The following SAMD8 variants were observed in gnomAD, a reference collection of about 807,000 sequenced individuals.
SAMD8 encodes sterile alpha motif domain containing 8.
SAMD8 carries 20 observed loss-of-function variants against 42.0 expected under a neutral mutation model. The ratio of observed to expected loss-of-function variants is 0.48; its 90% CI spans 0.34 to 0.69. The LOEUF (loss-of-function observed/expected upper bound fraction) is 0.69. Among genes scored for constraint, SAMD8 ranks in the 30% least tolerant of loss-of-function variants. SAMD8 has a pLI of 0.01. For synonymous variants in SAMD8, 162 were observed against 173.0 expected, an observed-to-expected ratio of 0.94 and a Z score of 0.50; for missense variants, 328 against 511.6, an observed-to-expected ratio of 0.64 and a Z score of 3.46.
chr10:75,175,730 G>A (rs1224115539), intron 4 of SAMD8, among the ~76,000 whole-genome samples: 1 of 151,998 alleles, frequency 6.6e-6, no homozygotes, highest in African/African-American at 2.4e-5. Flanking sequence ...TGTATTTTTA[G>A]TAGAGTTGGG....
chr10:75,125,982 A>G (rs903447922), intron 1 of SAMD8: 2 of 152,178 alleles, frequency 1.3e-5, no homozygotes, highest in African/African-American at 4.8e-5. Context: ...CCCAGTTTAT[A>G]TTTTCAACTT....
intron 1 of SAMD8, among the ~76,000 whole-genome samples, chr10:75,120,017 G>A (rs1848968725): frequency 6.6e-6 from 1 of 152,150 alleles, no homozygotes; most frequent in Admixed American, 6.5e-5. Flanking sequence ...GCAGTGAGCC[G>A]AGATTGTACC....
At position 75,179,034 on chromosome 10, in the gene SAMD8, G is replaced by GAAAAA. The variant is rs1366342101; in HGVS notation, c.*2345_*2346insAAAAA. 1.3e-5 allele frequency: 2 copies of GAAAAA among 149,410 alleles called. No homozygotes were observed. The highest frequency in any genetic ancestry group is 1.5e-5 in the Non-Finnish European group (1 of 67,606). 9.3% of individuals were successfully genotyped at this position (149,410 alleles called of 1,614,324 possible). A position where few individuals can be genotyped will look rare whatever the true frequency, so the allele number is the denominator to read the frequency against. ...ACAGAGTGAGACTCCATCTCAAAAC[G>GAAAAA]AAACAAAACAAAACAAAACAAATTA... On this transcript the variant is annotated 3_prime_UTR_variant, in exon 6 of 6. Coordinates refer to ENST00000542569, the MANE Select transcript of SAMD8 (RefSeq NM_001174156.2).
In SAMD8 at chr10:75,176,572, G is replaced by A. The variant is rs1044500019; in HGVS notation, c.1128G>A (p.Arg376=). The part of the protein sequence containing the change: ...LANTRAYQQS[R]RARIWFPMFS... ...ATACCAGAGCATATCAGCAGAGTAG[G>A]AGAGCAAGGATTTGGTTTCCCATGT... Residue 376 remains arginine, a synonymous_variant, in exon 6 of 6, where the codon AGG becomes AGA. Transcript: ENST00000542569. This position sits in a 1 kb window ranked among gnomAD's most constrained non-coding sequence, Gnocchi z 4.3. 33 of 1,550,514 alleles carry A rather than the reference G, an allele frequency of 2.1e-5. No individual in the cohort carries two copies. In the Admixed American group the frequency reaches 6.3e-4, roughly 29 times the overall value.
intron 1 of SAMD8, among the ~76,000 whole-genome samples, chr10:75,132,646 T>G (rs1311894987): frequency 6.6e-6 from 1 of 152,084 alleles, no homozygotes; most frequent in Non-Finnish European, 1.5e-5. Context: ...AAATATGTAA[T>G]AAAATCTTTC....
At chr10:75,171,413 C>T (rs1589978963) in intron 4 of SAMD8, among the ~76,000 whole-genome samples, 3 of 151,990 alleles carry the variant, frequency 2.0e-5, no homozygotes, top group African/African-American at 4.8e-5. Flanking sequence ...ATGATCCGCC[C>T]GCCTTGGCCT....
At chr10:75,165,306 C>A (rs1011366474) in intron 3 of SAMD8, among the ~76,000 whole-genome samples, 5 of 152,062 alleles carry the variant, frequency 3.3e-5, no homozygotes, top group African/African-American at 1.2e-4. Context: ...GATAGAAACT[C>A]TTCCAAGGAC....
intron 1 of SAMD8, chr10:75,104,087 A>T: frequency 7.4e-7 from 1 of 1,353,092 alleles, no homozygotes; most frequent in Non-Finnish European, 9.8e-7. Flanking sequence ...GGCAGGGAGT[A>T]AGGACCAGCT....
chr10:75,162,742 T>C (rs1415097114), intron 2 of SAMD8, among the ~76,000 whole-genome samples: 1 of 151,202 alleles, frequency 6.6e-6, no homozygotes, highest in African/African-American at 2.4e-5. Flanking sequence ...AATACAACCA[T>C]TCTAAATTGG....
intron 1 of SAMD8, among the ~76,000 whole-genome samples, chr10:75,129,066 T>C (rs1849214507): frequency 6.6e-6 from 1 of 152,148 alleles, no homozygotes; most frequent in African/African-American, 2.4e-5. Flanking sequence ...CTGGATCTTT[T>C]TTCCAGTGTG....
intron 4 of SAMD8, among the ~76,000 whole-genome samples, chr10:75,175,487 A>G (rs1840970307): frequency 6.6e-6 from 1 of 152,128 alleles, no homozygotes; most frequent in African/African-American, 2.4e-5. Flanking sequence ...AGGAACTCCT[A>G]GTAAAGGAGT....
upstream of SAMD8, among the ~76,000 whole-genome samples, chr10:75,111,093 G>C (rs1340870013): frequency 6.6e-6 from 1 of 152,220 alleles, no homozygotes; most frequent in Admixed American, 6.5e-5. Context: ...GATTACAGAC[G>C]TGAGCCTCCG....
chr10:75,135,961 C>T (rs1231502526), intron 1 of SAMD8, among the ~76,000 whole-genome samples: 1 of 151,884 alleles, frequency 6.6e-6, no homozygotes, highest in African/African-American at 2.4e-5. Context: ...TCATATAGGC[C>T]TTAGTAATCA....
At chr10:75,143,337 A>G (rs904113519) in intron 1 of SAMD8, among the ~76,000 whole-genome samples, 25 of 152,220 alleles carry the variant, frequency 1.6e-4, no homozygotes, top group Non-Finnish European at 2.9e-5. Context: ...CTTAAATAGT[A>G]AGAAAAAATG....
chr10:75,115,509 A>G (rs1173181833), intron 1 of SAMD8, among the ~76,000 whole-genome samples: 1 of 152,168 alleles, frequency 6.6e-6, no homozygotes, highest in Non-Finnish European at 1.5e-5. Flanking sequence ...CAGACCTGTG[A>G]TGTGAATATT....
chr10:75,103,830 A>T, intron 1 of SAMD8: 1 of 1,209,280 alleles, frequency 8.3e-7, no homozygotes, highest in Non-Finnish European at 1.1e-6. Context: ...CCACTTTCCC[A>T]GGGAACTTGG....
chr10:75,135,598 G>A (rs1056853745), intron 1 of SAMD8, among the ~76,000 whole-genome samples: 28 of 152,212 alleles, frequency 1.8e-4, no homozygotes, highest in Admixed American at 1.7e-3. Context: ...GGCCGAGGCG[G>A]GTGGATCACG....
chr10:75,161,021 T>C (rs1840544998), intron 2 of SAMD8, among the ~76,000 whole-genome samples: 1 of 152,144 alleles, frequency 6.6e-6, no homozygotes, highest in African/African-American at 2.4e-5. Flanking sequence ...TTAGCCGCGA[T>C]TGCGCCACTG....
At chr10:75,120,496 C>A (rs1167979443) in intron 1 of SAMD8, among the ~76,000 whole-genome samples, 3 of 152,058 alleles carry the variant, frequency 2.0e-5, no homozygotes, top group African/African-American at 7.2e-5. Flanking sequence ...GTCTCTATCT[C>A]CTGACCTCGT....
Sources: gnomAD v4.1 joint callset for allele counts (sites outside exome capture counted in the v4.1 genomes callset) on GRCh38, gnomAD v4.1.1 for gene constraint, Gnocchi (gnomAD v3.1) non-coding constraint, MANE v1.5 for transcripts, NCBI Gene and HGNC (gene_info 2026-07-23, HGNC 2026-07-21) for gene names.